Variants in LPP observed in about 807,000 individuals in gnomAD.
The protein encoded by LPP is LIM domain containing preferred translocation partner in lipoma.
Under a neutral mutation model 60.4 loss-of-function variants are expected in LPP, and 38 were observed. The ratio of observed to expected loss-of-function variants is 0.63; its 90% CI spans 0.49 to 0.83. The LOEUF is 0.83. Among genes scored for constraint, LPP ranks in the 40% least tolerant of loss-of-function variants. LPP has a pLI of 0.00. For synonymous variants in LPP, 328 were observed against 290.8 expected (o/e 1.13, Z -1.30); for missense variants, 902 against 783.6 (o/e 1.15, Z -1.80).
intron 9 of LPP, among the ~76,000 whole-genome samples, chr3:188,862,883 G>A (rs1054136442): frequency 2.0e-5 from 3 of 151,338 alleles, no homozygotes; most frequent in South Asian, 2.1e-4. Flanking sequence ...TTTCAAAACC[G>A]ATTTATTTGT....
At position 188,888,639 on chromosome 3, in the gene LPP, A is replaced by C. The variant is rs1159151147; in HGVS notation, c.*14160A>C. ...CCTTCAAAAAGTGCCTATTCTGAGCAACATAAACGTTATTCCTTACATATG... is the reference window on the plus strand; with the variant it reads ...CCTTCAAAAAGTGCCTATTCTGAGCCACATAAACGTTATTCCTTACATATG... On this transcript the variant is annotated 3_prime_UTR_variant, in exon 12 of 12. Transcript: ENST00000617246. The C allele has an allele frequency of 4.5e-6, 1 of 223,192 alleles. No homozygotes were observed. The highest frequency in any genetic ancestry group is 2.2e-5 in the African/African-American group (1 of 44,808). The allele number at this position is 223,192 out of a possible 1,614,324, so 13.8% of individuals were successfully genotyped here. A position where few individuals can be genotyped will look rare whatever the true frequency, so the allele number is the denominator to read the frequency against.
chr3:188,275,500 T>C (rs946399995), intron 2 of LPP, among the ~76,000 whole-genome samples: 1 of 152,072 alleles, frequency 6.6e-6, no homozygotes, highest in Non-Finnish European at 1.5e-5. Flanking sequence ...GCTGGGACGG[T>C]GGGTGTGCAC....
intron 6 of LPP, among the ~76,000 whole-genome samples, chr3:188,577,341 G>A (rs1834852958): frequency 6.6e-6 from 1 of 151,968 alleles, no homozygotes; most frequent in Non-Finnish European, 1.5e-5. Context: ...TAATATGATT[G>A]ACAAATCTAT....
chr3:188,667,198 G>C (rs1019296400), intron 7 of LPP, among the ~76,000 whole-genome samples: 26 of 152,180 alleles, frequency 1.7e-4, no homozygotes, highest in Admixed American at 1.0e-3. Flanking sequence ...GTAGGAGTTG[G>C]CTGGGCGCAA....
At chr3:188,611,874 C>G (rs994230616) in intron 7 of LPP, among the ~76,000 whole-genome samples, 1 of 152,192 alleles carries the variant, frequency 6.6e-6, no homozygotes, top group Non-Finnish European at 1.5e-5. Flanking sequence ...AGAATCAGCC[C>G]CCACTGCTAG....
intron 7 of LPP, among the ~76,000 whole-genome samples, chr3:188,697,231 T>C (rs989274917): frequency 1.3e-5 from 2 of 152,200 alleles, no homozygotes; most frequent in African/African-American, 4.8e-5. Context: ...GTGTCTTGGA[T>C]TGCTGAGCCA....
intron 1 of LPP, among the ~76,000 whole-genome samples, chr3:188,195,966 C>A (rs1729422469): frequency 6.6e-6 from 1 of 152,172 alleles, no homozygotes; most frequent in Admixed American, 6.5e-5. Flanking sequence ...GTCTCTACTG[C>A]CTCACCTTCT....
At chr3:188,626,730 CT>C (rs1311751609) in intron 7 of LPP, among the ~76,000 whole-genome samples, 1 of 152,046 alleles carries the variant, frequency 6.6e-6, no homozygotes. Context: ...ACTTAATGGC[CT>C]CTTTAAAGGC....
At chr3:188,187,403 T>C (rs1460842720) in intron 1 of LPP, among the ~76,000 whole-genome samples, 1 of 152,180 alleles carries the variant, frequency 6.6e-6, no homozygotes, top group Non-Finnish European at 1.5e-5. Context: ...TTTCTGTAGT[T>C]GTTCAGAGTC....
intron 2 of LPP, among the ~76,000 whole-genome samples, chr3:188,326,009 A>G (rs142149567): frequency 1.4e-3 from 207 of 152,242 alleles, no homozygotes; most frequent in Non-Finnish European, 2.4e-3. Flanking sequence ...ACTTTTTCTT[A>G]TCTTTAATCT....
Position 188,875,540 on chromosome 3 carries a change from G to T in LPP, c.*1061G>T. The T allele has an allele frequency of 4.7e-6, 1 of 212,402 alleles. No individual in the cohort carries two copies. The highest frequency in any genetic ancestry group is 1.5e-3 in the Middle Eastern group (1 of 666). 13.2% of individuals were successfully genotyped at this position (212,402 alleles called of 1,614,324 possible). On this transcript the variant is annotated 3_prime_UTR_variant, in exon 12 of 12. Coordinates refer to ENST00000617246, the MANE Select transcript of LPP (RefSeq NM_001375462.1). ...AAATCAGAGCATACAAAATAAAACT[G>T]TGCAGTTTTGTTTGGTTTACTTTCA...
At chr3:188,432,462 A>G (rs929053033) in intron 4 of LPP, among the ~76,000 whole-genome samples, 4 of 152,198 alleles carry the variant, frequency 2.6e-5, no homozygotes, top group Non-Finnish European at 5.9e-5. Flanking sequence ...AGCTGAAGGC[A>G]CGAAGTTCTA....
chr3:188,155,434 A>G (rs1715973804), intron 1 of LPP, among the ~76,000 whole-genome samples: 1 of 152,154 alleles, frequency 6.6e-6, no homozygotes, highest in Non-Finnish European at 1.5e-5. Flanking sequence ...TTAATGGCTT[A>G]CCTTTCCCTG....
At chr3:188,192,505 G>T (rs1475226911) in intron 1 of LPP, among the ~76,000 whole-genome samples, 1 of 152,142 alleles carries the variant, frequency 6.6e-6, no homozygotes, top group Admixed American at 6.5e-5. Flanking sequence ...TTAAATAATA[G>T]CTATCACATG....
At chr3:188,499,489 C>T (rs924357886) in intron 5 of LPP, among the ~76,000 whole-genome samples, 1 of 152,162 alleles carries the variant, frequency 6.6e-6, no homozygotes, top group African/African-American at 2.4e-5. Context: ...ATGCCAATAG[C>T]ACACTGTTTT....
chr3:188,845,840 G>T (rs1761257636), intron 9 of LPP, among the ~76,000 whole-genome samples: 1 of 152,178 alleles, frequency 6.6e-6, no homozygotes, highest in African/African-American at 2.4e-5. Flanking sequence ...TGAGAAAGAT[G>T]CTACATGACT....
At chr3:188,776,730 T>C (rs752145259) in intron 9 of LPP, among the ~76,000 whole-genome samples, 32 of 152,218 alleles carry the variant, frequency 2.1e-4, no homozygotes, top group Admixed American at 1.2e-3. Flanking sequence ...TTGAGTTCAT[T>C]TGGCTGGTAG....
At chr3:188,800,051 G>A (rs1746548459) in intron 9 of LPP, among the ~76,000 whole-genome samples, 1 of 151,778 alleles carries the variant, frequency 6.6e-6, no homozygotes, top group African/African-American at 2.4e-5. Flanking sequence ...ATGTATGCTT[G>A]ATATATTTCT....
In LPP at chr3:188,247,277, C is replaced by G. The variant is rs546035379; in HGVS notation, c.-67+21750C>G. ...CTTTAGTGGGAAAAAAAAAAAAACG[C>G]TGAGGCTATTTTTAGAGCCTTCATC... is the stretch of plus-strand genomic sequence containing the variant. On this transcript the variant is annotated intron_variant, in intron 2 of 11. Coordinates refer to ENST00000617246, the MANE Select transcript of LPP (RefSeq NM_001375462.1). 10 of 503,800 alleles carry G rather than the reference C, an allele frequency of 2.0e-5. 1 individual carries two copies. The highest frequency in any genetic ancestry group is 1.9e-4 in the African/African-American group (9 of 47,844). 31.2% of individuals were successfully genotyped at this position (503,800 alleles called of 1,614,324 possible).
Sources: gnomAD v4.1 joint callset for allele counts (sites outside exome capture counted in the v4.1 genomes callset) on GRCh38, gnomAD v4.1.1 for gene constraint, MANE v1.5 for transcripts, NCBI Gene and HGNC (gene_info 2026-07-23, HGNC 2026-07-21) for gene names.